BSPH1: variants seen among roughly 807,000 people sequenced by gnomAD.
BSPH1 encodes the protein binder of sperm 1.
In BSPH1, 21 loss-of-function variants were observed where a neutral mutation model predicts 22.5. The ratio of observed to expected loss-of-function variants is 0.93; its 90% confidence interval spans 0.66 to 1.35. The LOEUF (loss-of-function observed/expected upper bound fraction) is 1.35, where lower values mean the gene tolerates loss of function less well. Among genes scored for constraint, BSPH1 ranks in the 40% most tolerant of loss-of-function variants. The pLI is 0.00. For missense variants in BSPH1, 141 were observed against 154.2 expected (o/e 0.91, Z 0.45); for synonymous variants, 42 against 53.6 (o/e 0.78, Z 0.95).
chr19:47,974,265 CTCTCTTTTTTT>C (rs1969339163), intron 5 of BSPH1, among the ~76,000 whole-genome samples: 1 of 120,110 alleles, frequency 8.3e-6, no homozygotes, highest in African/African-American at 4.2e-5. Context: ...TTCTCTCTCT[CTCTCTTTTTTT>C]TTTTTTTTTT....
intron 1 of BSPH1, among the ~76,000 whole-genome samples, chr19:47,989,870 G>A (rs959556177): frequency 6.6e-5 from 10 of 152,078 alleles, no homozygotes; most frequent in Admixed American, 6.6e-4. Flanking sequence ...TATAATCCCA[G>A]CACTTTGGGA....
chr19:47,987,612 C>T (rs1969483482), intron 1 of BSPH1, among the ~76,000 whole-genome samples: 1 of 152,058 alleles, frequency 6.6e-6, no homozygotes. Context: ...GTCTCGAATT[C>T]CTGGGCTCAA....
intron 1 of BSPH1, among the ~76,000 whole-genome samples, chr19:47,981,599 T>A (rs1177965349): frequency 3.3e-5 from 5 of 152,120 alleles, no homozygotes; most frequent in African/African-American, 1.2e-4. Flanking sequence ...CCCGGAGGGG[T>A]TGGTTCAGTA....
At chr19:47,973,895 C>A (rs1969335200) in intron 5 of BSPH1, among the ~76,000 whole-genome samples, 2 of 152,184 alleles carry the variant, frequency 1.3e-5, no homozygotes, top group South Asian at 4.1e-4. Context: ...TCCTTATGAT[C>A]TTTCTTTTGC....
intron 1 of BSPH1, among the ~76,000 whole-genome samples, chr19:47,989,534 T>C (rs1969503443): frequency 6.6e-6 from 1 of 151,310 alleles, no homozygotes; most frequent in South Asian, 2.1e-4. Flanking sequence ...TCCCCACTCA[T>C]CAAGAACTGG....
At chr19:47,973,477 C>G (rs1969331300) in intron 5 of BSPH1, among the ~76,000 whole-genome samples, 5 of 152,020 alleles carry the variant, frequency 3.3e-5, no homozygotes, top group Admixed American at 3.3e-4. Flanking sequence ...TGTGTGCACA[C>G]AAACACATAC....
In BSPH1 at chr19:47,977,426, C is replaced by A; in HGVS notation, c.203G>T (p.Trp68Leu). ...DCIKSKARHK[W>L]CSLNKTYEGY... is the part of the protein sequence containing the mutation. ...TTCGTAGGTCTTGTTTAACGAGCAC[C>A]ACTTGTGTCTTGCCTTGGACTTGAT... Residue 68 changes from tryptophan to leucine, a missense_variant, in exon 4 of 6, where the codon TGG becomes TTG. By Grantham distance (61) the Trp-to-Leu change is moderately conservative. Coordinates refer to ENST00000344839, the MANE Select transcript of BSPH1 (RefSeq NM_001128326.2). 1 of 1,552,156 alleles carries A rather than the reference C, an allele frequency of 6.4e-7. No individual in the cohort carries two copies. Among genetic ancestry groups the A allele is most frequent in the South Asian group, 1.2e-5 (1 of 84,060 alleles).
intron 1 of BSPH1, among the ~76,000 whole-genome samples, chr19:47,989,538 GA>G (rs1335863304): frequency 6.6e-6 from 1 of 150,722 alleles, no homozygotes; most frequent in Admixed American, 6.6e-5. Context: ...CACTCATCAA[GA>G]ACTGGGACTC....
At chr19:47,980,438 AT>A (rs35786666) in intron 2 of BSPH1, 89,510 of 489,622 alleles carry the variant, frequency 0.18, 9,898 homozygotes, top group Middle Eastern at 0.23. Flanking sequence ...CAAAAGTAAA[AT>A]TAACAGTAAA....
rs552709547 is a variant in BSPH1 at position 47,976,593 on chromosome 19, A to C, written c.*2+117T>G. 349 of 628,888 alleles carry C rather than the reference A, an allele frequency of 5.5e-4. 6 individuals are homozygous for C. In the African/African-American group the frequency reaches 6.3e-3, roughly 11 times the overall value. 39.0% of individuals were successfully genotyped at this position (628,888 alleles called of 1,614,324 possible). On this transcript the variant is annotated intron_variant, in intron 5 of 5. Coordinates refer to ENST00000344839, the MANE Select transcript of BSPH1 (RefSeq NM_001128326.2). ...CAACTCACATCCCAGAAAAAAAAAA[A>C]AAACAAAAAAAAACCCTCTCTAATG...
chr19:47,981,023 T>G (rs1326396257), intron 1 of BSPH1, 82 bp from the exon 2 acceptor site: 1 of 749,442 alleles, frequency 1.3e-6, no homozygotes, highest in Non-Finnish European at 2.1e-6. Context: ...TCTATTCTAG[T>G]AAGAATAATA....
chr19:47,969,910 A>T (rs1969296618), intron 5 of BSPH1, among the ~76,000 whole-genome samples: 1 of 149,298 alleles, frequency 6.7e-6, no homozygotes, highest in Non-Finnish European at 1.5e-5. Flanking sequence ...GAGACTTTAG[A>T]ATTTATGTTT....
At chr19:47,976,627 T>A (rs895434275) in intron 5 of BSPH1, 83 bp downstream of exon 5, 41 of 941,152 alleles carry the variant, frequency 4.4e-5, no homozygotes, top group Non-Finnish European at 6.1e-5. Flanking sequence ...TGAGAAAGGG[T>A]TCTCCTCTGC....
At position 47,976,593 on chromosome 19, in the gene BSPH1, A is replaced by AC. The variant is rs1352225061; in HGVS notation, c.*2+116_*2+117insG. On this transcript the variant is annotated intron_variant, in intron 5 of 5. Transcript: ENST00000344839. Reference sequence around the variant, plus strand: ...CAACTCACATCCCAGAAAAAAAAAAAAAACAAAAAAAAACCCTCTCTAATG... The same window carrying AC: ...CAACTCACATCCCAGAAAAAAAAAAACAAACAAAAAAAAACCCTCTCTAATG... The AC allele has an allele frequency of 7.8e-5, 49 of 628,884 alleles. No individual in the cohort carries two copies. The African/African-American group carries it at 9.2e-4, about 12-fold the overall frequency. The allele number at this position is 628,884 out of a possible 1,614,324, so 39.0% of individuals were successfully genotyped here.
chr19:47,972,841 A>G (rs1012405976), intron 5 of BSPH1, among the ~76,000 whole-genome samples: 4 of 151,516 alleles, frequency 2.6e-5, no homozygotes, highest in African/African-American at 7.3e-5. Context: ...GTGTGTGTGT[A>G]TACCCACACA....
chr19:47,981,692 G>A, intron 1 of BSPH1: 1 of 870,774 alleles, frequency 1.1e-6, no homozygotes, highest in Non-Finnish European at 1.4e-6. Flanking sequence ...AAAATGGAGA[G>A]AGAACATTAG....
At chr19:47,983,222 G>T (rs1438234249) in intron 1 of BSPH1, among the ~76,000 whole-genome samples, 1 of 152,150 alleles carries the variant, frequency 6.6e-6, no homozygotes, top group African/African-American at 2.4e-5. Flanking sequence ...AAAAGGGAGT[G>T]GCTGAAATGG....
chr19:47,967,929 G>C (rs924904268), downstream of BSPH1: 3 of 152,310 alleles, frequency 2.0e-5, no homozygotes, highest in Non-Finnish European at 4.4e-5. Flanking sequence ...CACCATGTTG[G>C]TAGGAACCAC....
chr19:47,982,886 A>G (rs1171279090), intron 1 of BSPH1, among the ~76,000 whole-genome samples: 1 of 152,228 alleles, frequency 6.6e-6, no homozygotes, highest in African/African-American at 2.4e-5. Flanking sequence ...TTCTACTTAT[A>G]TGAGGTAACT....
Sources: gnomAD v4.1 joint callset for allele counts (sites outside exome capture counted in the v4.1 genomes callset) on GRCh38, gnomAD v4.1.1 for gene constraint, MANE v1.5 for transcripts, NCBI Gene and HGNC (gene_info 2026-07-23, HGNC 2026-07-21) for gene names.